The following RAD17 variants were observed in gnomAD, a reference collection of about 807,000 sequenced individuals.
RAD17 encodes RAD17 checkpoint clamp loader component.
A neutral mutation model predicts 81.5 loss-of-function variants in RAD17; 31 were observed. That is an observed-to-expected ratio of 0.38 (90% CI 0.29 to 0.51). The LOEUF (loss-of-function observed/expected upper bound fraction) is 0.51, where lower values mean the gene tolerates loss of function less well. Among genes scored for constraint, RAD17 ranks in the 20% least tolerant of loss-of-function variants. The pLI is 0.88. For synonymous variants in RAD17, 261 were observed against 266.2 expected (o/e 0.98, Z 0.19); for missense variants, 681 against 781.2 (o/e 0.87, Z 1.53).
At chr5:69,401,332 G>A (rs1460867855) in intron 17 of RAD17, among the ~76,000 whole-genome samples, 1 of 152,158 alleles carries the variant, frequency 6.6e-6, no homozygotes, top group East Asian at 1.9e-4. Flanking sequence ...TGCAGAATGA[G>A]GCAAGCTTTA....
intron 6 of RAD17, among the ~76,000 whole-genome samples, chr5:69,381,012 G>A (rs17236261): frequency 1.1e-3 from 174 of 151,948 alleles, no homozygotes; most frequent in African/African-American, 4.0e-3. Flanking sequence ...CAAGGAATCC[G>A]TCTGCCTCAG....
At chr5:69,411,341 G>A (rs1226459810) in intron 18 of RAD17, among the ~76,000 whole-genome samples, 1 of 151,990 alleles carries the variant, frequency 6.6e-6, no homozygotes, top group African/African-American at 2.4e-5. Flanking sequence ...AACCCAGGAG[G>A]TGGAGGTTGC....
intron 18 of RAD17, among the ~76,000 whole-genome samples, 163 bp from the exon 19 acceptor site, chr5:69,413,868 A>T (rs1766194726): frequency 6.6e-6 from 1 of 152,200 alleles, no homozygotes; most frequent in Admixed American, 6.5e-5. Flanking sequence ...GAACTTATTC[A>T]GTTTGTCATT....
chr5:69,391,040 C>T (rs1764523573), intron 12 of RAD17, among the ~76,000 whole-genome samples: 1 of 151,580 alleles, frequency 6.6e-6, no homozygotes, highest in Non-Finnish European at 1.5e-5. Flanking sequence ...AGGTTGTGAC[C>T]AGCCTGGCCA....
At chr5:69,403,205 G>A (rs944852530) in intron 17 of RAD17, among the ~76,000 whole-genome samples, 3 of 152,122 alleles carry the variant, frequency 2.0e-5, no homozygotes, top group Non-Finnish European at 4.4e-5. Flanking sequence ...AAGATAACCT[G>A]ATGCATTTAG....
At chr5:69,369,545 G>A, upstream of RAD17, 1 of 1,610,308 alleles carries the variant, frequency 6.2e-7, no homozygotes, top group South Asian at 1.1e-5. Flanking sequence ...TGCTCTACAG[G>A]GAGGAGCCGG....
intron 16 of RAD17, among the ~76,000 whole-genome samples, chr5:69,397,839 C>T (rs1048418917): frequency 6.6e-5 from 10 of 152,108 alleles, no homozygotes; most frequent in South Asian, 2.1e-4. Flanking sequence ...AAATCATGGC[C>T]GGGCATGGTG....
intron 12 of RAD17, among the ~76,000 whole-genome samples, chr5:69,389,950 T>C (rs1180693505): frequency 6.6e-6 from 1 of 152,208 alleles, no homozygotes; most frequent in East Asian, 1.9e-4. Flanking sequence ...ATTATTTTTA[T>C]AATAATTTAT....
At chr5:69,376,985 C>T (rs534520711) in intron 6 of RAD17, among the ~76,000 whole-genome samples, 2 of 152,100 alleles carry the variant, frequency 1.3e-5, no homozygotes, top group Admixed American at 6.6e-5. Flanking sequence ...AACTCCTGAC[C>T]TCAGGTGATT....
intron 17 of RAD17, among the ~76,000 whole-genome samples, chr5:69,410,104 G>A (rs1765873634): frequency 6.6e-6 from 1 of 152,190 alleles, no homozygotes; most frequent in Non-Finnish European, 1.5e-5. Context: ...TGTTGATGCT[G>A]ATATGAACAT....
chr5:69,371,450 C>G lies in RAD17; in HGVS notation c.-279-4C>G, dbSNP rs1217050580. On this transcript the variant is annotated splice_polypyrimidine_tract_variant and splice_region_variant and intron_variant, in intron 2 of 18. Coordinates refer to ENST00000354868, the MANE Select transcript of RAD17 (RefSeq NM_133338.3). ...TGAGGGCTTCTTCCCCCCCCCCCCC[C>G]CAGGTGAATTATAGTTTAATGTACT... 1.3e-5 allele frequency: 3 copies of G among 229,326 alleles called. No individual in the cohort carries two copies. Among genetic ancestry groups the G allele is most frequent in the Non-Finnish European group, 2.5e-5 (3 of 118,976 alleles). The allele number at this position is 229,326 out of a possible 1,614,324, so 14.2% of individuals were successfully genotyped here. A position where few individuals can be genotyped will look rare whatever the true frequency, so the allele number is the denominator to read the frequency against.
intron 6 of RAD17, among the ~76,000 whole-genome samples, chr5:69,377,467 A>ATGTATATATATGTATATATGTG (rs1763441703): frequency 3.5e-4 from 2 of 5,746 alleles, no homozygotes; most frequent in South Asian, 6.4e-3. Context: ...ATATATATAT[A>ATGTATATATATGTATATATGTG]TATATATACA....
At chr5:69,380,300 A>G (rs1359051828) in intron 6 of RAD17, among the ~76,000 whole-genome samples, 1 of 152,180 alleles carries the variant, frequency 6.6e-6, no homozygotes, top group Non-Finnish European at 1.5e-5. Flanking sequence ...ACATAATGAG[A>G]TATACGTGTT....
At chr5:69,369,529 G>A (rs754156484), upstream of RAD17, 4 of 1,611,308 alleles carry the variant, frequency 2.5e-6, no homozygotes, top group South Asian at 4.4e-5. Context: ...TCGCTCACGT[G>A]CCCTTTGCTC....
chr5:69,401,839 A>C (rs6891396), intron 17 of RAD17, among the ~76,000 whole-genome samples: 2,268 of 120,568 alleles, frequency 0.019, 55 homozygotes, highest in African/African-American at 0.059. Flanking sequence ...TACAAAAAAA[A>C]CCCACAAAAA....
intron 17 of RAD17, among the ~76,000 whole-genome samples, chr5:69,401,413 T>A (rs1765258877): frequency 6.6e-6 from 1 of 152,288 alleles, no homozygotes; most frequent in Middle Eastern, 3.4e-3. Context: ...GCAATCTCAT[T>A]TTTTTCCAAT....
intron 17 of RAD17, among the ~76,000 whole-genome samples, chr5:69,406,841 A>T (rs1318775287): frequency 6.6e-6 from 1 of 151,876 alleles, no homozygotes; most frequent in African/African-American, 2.4e-5. Context: ...CTGAGAGTGA[A>T]TGTAAAGTGT....
At chr5:69,413,054 T>G (rs1409412966) in intron 18 of RAD17, among the ~76,000 whole-genome samples, 1 of 152,210 alleles carries the variant, frequency 6.6e-6, no homozygotes, top group Non-Finnish European at 1.5e-5. Flanking sequence ...AAATTAGATT[T>G]AACAATTTAG....
At chr5:69,384,954 CTTTTTTTTTTT>C in intron 8 of RAD17, 21 bp downstream of exon 8, 1 of 1,278,282 alleles carries the variant, frequency 7.8e-7, no homozygotes, top group Non-Finnish European at 1.0e-6. Context: ...CTTTTAAAAT[CTTTTTTTTTTT>C]TTTTTTGAAA....
Sources: gnomAD v4.1 joint callset for allele counts (sites outside exome capture counted in the v4.1 genomes callset) on GRCh38, gnomAD v4.1.1 for gene constraint, MANE v1.5 for transcripts, NCBI Gene and HGNC (gene_info 2026-07-23, HGNC 2026-07-21) for gene names.